TRPM5: variants seen among roughly 807,000 people sequenced by gnomAD.
TRPM5 encodes MLSN1 and TRP-related.
In TRPM5, 121 loss-of-function variants were observed where a neutral mutation model predicts 124.9. That is an observed-to-expected ratio of 0.97 (90% CI 0.84 to 1.13). TRPM5 has a LOEUF of 1.13. Ranked by LOEUF, TRPM5 falls within the 50% of genes most tolerant of loss-of-function variation. The probability of loss-of-function intolerance (pLI) is 0.00; values close to 1 mark genes in which losing one functional copy is unlikely to be tolerated. For missense variants in TRPM5, 1,643 were observed against 1,589.1 expected, an observed-to-expected ratio of 1.03 and a Z score of -0.58; for synonymous variants, 781 against 700.5, an observed-to-expected ratio of 1.11 and a Z score of -1.81.
chr11:2,425,761 CG>C (rs1565017452), upstream of TRPM5, among the ~76,000 whole-genome samples: 2 of 152,028 alleles, frequency 1.3e-5, no homozygotes, highest in Non-Finnish European at 2.9e-5. Flanking sequence ...CATGGCCAGG[CG>C]TGTCCCCAGC....
Position 2,417,834 on chromosome 11 carries a change from G to T in TRPM5, c.907-5C>A. 1 of 1,570,044 alleles carries T rather than the reference G, an allele frequency of 6.4e-7. No individual in the cohort carries two copies. Among genetic ancestry groups the T allele is most frequent in the Non-Finnish European group, 8.6e-7 (1 of 1,156,894 alleles). ...GTGTGAGGTGATGTTCTGCAGCTGG[G>T]CACCAGAACAGAGCCCCCATGGGGC... On this transcript the variant is annotated splice_polypyrimidine_tract_variant and splice_region_variant and intron_variant, in intron 6 of 23. Transcript: ENST00000155858.
chr11:2,436,720 G>T, the TRPM5 span, among the ~76,000 whole-genome samples: 1 of 152,216 alleles, frequency 6.6e-6, no homozygotes, highest in South Asian at 2.1e-4. Flanking sequence ...AGGTGATGCC[G>T]ACAACTCCAA....
chr11:2,411,694 T>C (rs1589868652), exon 17 of TRPM5: 2 of 1,612,502 alleles, frequency 1.2e-6, no homozygotes, highest in African/African-American at 1.3e-5. Context: ...AAGATATGGA[T>C]CAGCCGCAGC....
chr11:2,426,479 G>C (rs897645373), upstream of TRPM5, among the ~76,000 whole-genome samples: 1 of 152,108 alleles, frequency 6.6e-6, no homozygotes, highest in Admixed American at 6.5e-5. Context: ...ACAGCCAGGG[G>C]CCATCGTGAC....
upstream of TRPM5, among the ~76,000 whole-genome samples, chr11:2,426,059 G>A (rs888953506): frequency 9.2e-5 from 14 of 152,176 alleles, no homozygotes; most frequent in African/African-American, 2.4e-4. Context: ...CCTGGAGCTC[G>A]GCAGTGCCTC....
chr11:2,405,208 C>G (rs1280743455), intron 23 of TRPM5, among the ~76,000 whole-genome samples, 165 bp from the exon 29 acceptor site: 3 of 152,254 alleles, frequency 2.0e-5, no homozygotes, highest in Non-Finnish European at 4.4e-5. Context: ...AACCAGGCCT[C>G]TGCCTGCACT....
chr11:2,415,368 G>T (rs567859896), exon 9 of TRPM5: 3 of 1,588,736 alleles, frequency 1.9e-6, no homozygotes, highest in Non-Finnish European at 2.6e-6. Flanking sequence ...CCGCCCATAC[G>T]TCAGGAAGTC....
Position 2,422,959 on chromosome 11 carries a change from G to GC in TRPM5, c.77dup (p.Glu27ArgfsTer28). The stretch of plus-strand genomic sequence containing the variant: ...TCCCAGACCCTCCAAAGTTGACCTC[G>GC]CCCCTGTGCAAGCCCAGCTCCCGCC... On this transcript the variant is annotated frameshift_variant, in exon 1 of 24. Transcript: ENST00000155858. LOFTEE classifies it high-confidence loss of function. 1.9e-6 allele frequency: 3 copies of GC among 1,613,056 alleles called. No homozygotes were observed. In the South Asian group the frequency reaches 3.3e-5, roughly 18 times the overall value.
At chr11:2,412,947 A>C (rs1022322672) in exon 15 of TRPM5, 3 of 1,605,244 alleles carry the variant, frequency 1.9e-6, no homozygotes, top group Non-Finnish European at 2.5e-6. Context: ...CCAGCGTGTG[A>C]GCAGGAAGAC....
In TRPM5 at chr11:2,405,953, C is replaced by A. The variant is rs1172055819; in HGVS notation, c.3324+66G>T. The A allele has an allele frequency of 7.1e-6, 10 of 1,413,114 alleles. No homozygotes were observed. The African/African-American group carries it at 1.4e-4, about 20-fold the overall frequency. The allele number at this position is 1,413,114 out of a possible 1,614,324, so 87.5% of individuals were successfully genotyped here. A position where few individuals can be genotyped will look rare whatever the true frequency, so the allele number is the denominator to read the frequency against. On this transcript the variant is annotated intron_variant, in intron 22 of 23. Transcript: ENST00000155858. ...TGAGTGACCGGGCAGGGCTGTGGAC[C>A]CATCCCAGTAGCCCCACGCAGCCAC...
In TRPM5 at chr11:2,415,110, C is replaced by A. The variant is rs373681564; in HGVS notation, c.1479+11G>T. The stretch of plus-strand genomic sequence containing the variant: ...AGCCTCGCCCTCCATCCCCACGGAG[C>A]CCCCGCTCACCGCCCTCCTGCGGTC... On this transcript the variant is annotated intron_variant, in intron 9 of 23. Transcript: ENST00000155858. 148 of 1,568,616 alleles carry A rather than the reference C, an allele frequency of 9.4e-5. No individual in the cohort carries two copies. The highest frequency in any genetic ancestry group is 1.2e-4 in the Non-Finnish European group (142 of 1,161,706).
At chr11:2,408,296 A>G (rs1589866062) in intron 18 of TRPM5, among the ~76,000 whole-genome samples, 1 of 151,732 alleles carries the variant, frequency 6.6e-6, no homozygotes, top group South Asian at 2.1e-4. Flanking sequence ...TAAAACCTCC[A>G]CCCCTCCTCC....
chr11:2,437,128 G>A, the TRPM5 span, among the ~76,000 whole-genome samples: 1 of 152,230 alleles, frequency 6.6e-6, no homozygotes, highest in African/African-American at 2.4e-5. This position sits in a 1 kb window ranked among gnomAD's most constrained non-coding sequence, Gnocchi z 5.6. Flanking sequence ...AAGGGATGGG[G>A]GATCCCCAGG....
At chr11:2,406,145 T>C in intron 21 of TRPM5, 54 bp from the exon 27 acceptor site, 1 of 1,586,852 alleles carries the variant, frequency 6.3e-7, no homozygotes, top group Non-Finnish European at 8.6e-7. Flanking sequence ...GCTCTGCGTG[T>C]GGGGAGCCTC....
At chr11:2,409,596 A>C (rs1850401140) in intron 18 of TRPM5, among the ~76,000 whole-genome samples, 1 of 152,204 alleles carries the variant, frequency 6.6e-6, no homozygotes, top group Admixed American at 6.5e-5. Flanking sequence ...TCTGAGCCTC[A>C]GTCTCCCTCT....
the TRPM5 span, among the ~76,000 whole-genome samples, chr11:2,442,510 G>C: frequency 6.6e-6 from 1 of 152,072 alleles, no homozygotes; most frequent in Non-Finnish European, 1.5e-5. The surrounding 1 kb of genome is among the most constrained non-coding windows in gnomAD (Gnocchi z 5.9). Context: ...CAGCTGAAGC[G>C]ATTGAAGGAC....
the TRPM5 span, among the ~76,000 whole-genome samples, chr11:2,428,971 G>A: frequency 2.0e-5 from 3 of 151,668 alleles, no homozygotes; most frequent in African/African-American, 7.3e-5. The surrounding 1 kb of genome is among the most constrained non-coding windows in gnomAD (Gnocchi z 4.0). Context: ...AGTAGTCATG[G>A]TGGTAGTGAC....
upstream of TRPM5, among the ~76,000 whole-genome samples, chr11:2,427,518 A>G (rs1219605921): frequency 6.6e-6 from 1 of 152,036 alleles, no homozygotes; most frequent in Non-Finnish European, 1.5e-5. Flanking sequence ...ACAGGGCACC[A>G]CCTCACCTGC....
At chr11:2,406,865 CG>C (rs892027906) in intron 20 of TRPM5, 72 bp from the exon 26 acceptor site, 2 of 1,542,702 alleles carry the variant, frequency 1.3e-6, no homozygotes, top group Admixed American at 2.0e-5. Context: ...GGCCTGGTCC[CG>C]GGGCGAGGTG....
Sources: allele counts gnomAD v4.1 joint callset (sites outside exome capture counted in the v4.1 genomes callset), GRCh38; gene constraint gnomAD v4.1.1; non-coding constraint Gnocchi (gnomAD v3.1); transcripts MANE v1.5; gene names NCBI Gene and HGNC (gene_info 2026-07-23, HGNC 2026-07-21).